Variants in PTPRN2 observed in about 807,000 individuals in gnomAD.
The protein encoded by PTPRN2 is receptor-type tyrosine-protein phosphatase N2.
PTPRN2 carries 74 observed loss-of-function variants against 118.8 expected under a neutral mutation model. The ratio of observed to expected loss-of-function variants is 0.62; its 90% CI spans 0.52 to 0.76. PTPRN2 has a LOEUF of 0.76. Ranked by LOEUF, PTPRN2 falls within the 30% of genes least tolerant of loss-of-function variation. The pLI, the probability that PTPRN2 is intolerant of heterozygous loss-of-function variation, is 0.00. For synonymous variants in PTPRN2, 641 were observed against 608.0 expected (o/e 1.05, Z -0.80); for missense variants, 1,481 against 1,394.4 (o/e 1.06, Z -0.99).
intron 12 of PTPRN2, among the ~76,000 whole-genome samples, chr7:157,725,575 G>T (rs56260804): frequency 1.5e-5 from 2 of 134,758 alleles, no homozygotes; most frequent in African/African-American, 5.9e-5. Flanking sequence ...GAGTGAGCCA[G>T]ACCCTCGCCT....
At chr7:157,805,314 T>TGTGC (rs1554453177) in intron 12 of PTPRN2, among the ~76,000 whole-genome samples, 6 of 149,042 alleles carry the variant, frequency 4.0e-5, no homozygotes, top group Admixed American at 2.0e-4. Flanking sequence ...TGTGTGTGTG[T>TGTGC]GTGCGTGTGC....
intron 3 of PTPRN2, among the ~76,000 whole-genome samples, chr7:158,254,864 T>A (rs891932630): frequency 6.6e-6 from 1 of 152,250 alleles, no homozygotes; most frequent in African/African-American, 2.4e-5. Flanking sequence ...GCAGTTTACT[T>A]CTTAGACATG....
intron 11 of PTPRN2, among the ~76,000 whole-genome samples, chr7:157,902,054 G>A (rs186865970): frequency 9.8e-5 from 15 of 152,316 alleles, no homozygotes; most frequent in African/African-American, 2.2e-4. Flanking sequence ...AAGTGGGGTC[G>A]CAGCACGGGC....
chr7:158,336,557 A>G (rs1805579260), intron 2 of PTPRN2, among the ~76,000 whole-genome samples: 1 of 144,574 alleles, frequency 6.9e-6, no homozygotes, highest in African/African-American at 2.6e-5. Context: ...ACTCACACCC[A>G]CACTCACCAT....
chr7:158,453,400 G>A (rs112383445), intron 2 of PTPRN2, among the ~76,000 whole-genome samples: 3 of 116,074 alleles, frequency 2.6e-5, no homozygotes, highest in South Asian at 3.1e-4. Flanking sequence ...AGTCCTCACC[G>A]TACGGTGCAG....
intron 3 of PTPRN2, among the ~76,000 whole-genome samples, chr7:158,218,675 T>C (rs1828131606): frequency 6.6e-6 from 1 of 152,206 alleles, no homozygotes; most frequent in Non-Finnish European, 1.5e-5. Flanking sequence ...AACTGTCTGC[T>C]GTCTTCAAGA....
intron 2 of PTPRN2, among the ~76,000 whole-genome samples, chr7:158,341,095 C>A (rs1440459545): frequency 4.8e-5 from 3 of 62,854 alleles, no homozygotes; most frequent in African/African-American, 1.7e-4. Context: ...ATTGGTGACA[C>A]CTGCAGACGT....
intron 1 of PTPRN2, among the ~76,000 whole-genome samples, chr7:158,571,898 C>T (rs1308881318): frequency 6.6e-6 from 1 of 152,096 alleles, no homozygotes; most frequent in Non-Finnish European, 1.5e-5. Flanking sequence ...AAGAACTTCC[C>T]GAGCCAAGAA....
chr7:158,569,207 T>C (rs754397147), intron 1 of PTPRN2, among the ~76,000 whole-genome samples: 1 of 152,206 alleles, frequency 6.6e-6, no homozygotes, highest in Non-Finnish European at 1.5e-5. Flanking sequence ...CATCTGACAA[T>C]AGGAATGCAG....
intron 1 of PTPRN2, 99 bp from the exon 2 acceptor site, chr7:158,489,884 G>A (rs773125649): frequency 2.0e-5 from 23 of 1,155,220 alleles, no homozygotes; most frequent in South Asian, 2.8e-5. Context: ...CAGAGAAACC[G>A]CCGGTCAAGC....
chr7:158,520,485 T>C (rs563397619), intron 1 of PTPRN2, among the ~76,000 whole-genome samples: 3 of 152,200 alleles, frequency 2.0e-5, no homozygotes, highest in Non-Finnish European at 2.9e-5. Context: ...TCCTGGATGT[T>C]TGAAGCAGGT....
At chr7:158,445,070 G>A (rs542237966) in intron 2 of PTPRN2, among the ~76,000 whole-genome samples, 2 of 152,294 alleles carry the variant, frequency 1.3e-5, no homozygotes, top group African/African-American at 2.4e-5. Flanking sequence ...AACCAGGAGG[G>A]CTGGGGAGAG....
At chr7:158,008,771 G>T (rs980485117) in intron 11 of PTPRN2, among the ~76,000 whole-genome samples, 1 of 152,110 alleles carries the variant, frequency 6.6e-6, no homozygotes, top group East Asian at 1.9e-4. Flanking sequence ...TAGTATCACC[G>T]TTTTCTTTCT....
intron 12 of PTPRN2, among the ~76,000 whole-genome samples, chr7:157,857,039 A>G (rs1286578178): frequency 8.3e-6 from 1 of 120,954 alleles, no homozygotes; most frequent in African/African-American, 2.6e-5. Context: ...CTGCAGTGCC[A>G]TCAGCTTGGG....
intron 2 of PTPRN2, among the ~76,000 whole-genome samples, chr7:158,331,944 C>G (rs1321168157): frequency 6.6e-6 from 1 of 150,882 alleles, no homozygotes; most frequent in African/African-American, 2.5e-5. Flanking sequence ...CTCACACTCA[C>G]ACTCCCACGA....
chr7:158,091,128 A>G (rs995773306), intron 10 of PTPRN2, among the ~76,000 whole-genome samples: 3 of 152,266 alleles, frequency 2.0e-5, no homozygotes, highest in Non-Finnish European at 4.4e-5. Flanking sequence ...CAGTCGATAC[A>G]TAACACAGGC....
intron 3 of PTPRN2, among the ~76,000 whole-genome samples, chr7:158,257,846 C>T (rs1404873112): frequency 1.3e-4 from 20 of 152,358 alleles, no homozygotes; most frequent in Non-Finnish European, 4.4e-5. Context: ...AGGGCCACAG[C>T]CCATGCCCTC....
intron 11 of PTPRN2, among the ~76,000 whole-genome samples, chr7:157,933,169 T>C (rs1318911464): frequency 8.8e-5 from 10 of 113,682 alleles, no homozygotes; most frequent in South Asian, 2.8e-4. Context: ...TGATTGACAG[T>C]TTTAGAGGAA....
At chr7:157,572,433 C>T (rs572282328) in intron 19 of PTPRN2, among the ~76,000 whole-genome samples, 46 of 152,316 alleles carry the variant, frequency 3.0e-4, no homozygotes, top group African/African-American at 1.1e-3. Context: ...CAAAGCCTTG[C>T]CTATCCAGCA....
Sources: allele counts gnomAD v4.1 joint callset (sites outside exome capture counted in the v4.1 genomes callset), GRCh38; gene constraint gnomAD v4.1.1; transcripts MANE v1.5; gene names NCBI Gene and HGNC (gene_info 2026-07-23, HGNC 2026-07-21).